The following WDR7 variants were observed in gnomAD, a reference collection of about 807,000 sequenced individuals.
The protein encoded by WDR7 is WD repeat-containing protein 7.
WDR7 carries 46 observed loss-of-function variants against 169.4 expected under a neutral mutation model. That is an observed-to-expected ratio of 0.27 (90% CI 0.21 to 0.35). WDR7 has a LOEUF of 0.35. Ranked by LOEUF, WDR7 falls within the 10% of genes least tolerant of loss-of-function variation. The pLI is 1.00. For missense variants in WDR7, 1,534 were observed against 1,859.3 expected (o/e 0.83, Z 3.22); for synonymous variants, 612 against 666.8 (o/e 0.92, Z 1.27).
intron 23 of WDR7, among the ~76,000 whole-genome samples, chr18:56,936,621 A>G (rs999792521): frequency 1.3e-5 from 2 of 152,150 alleles, no homozygotes; most frequent in Non-Finnish European, 2.9e-5. Flanking sequence ...AAAGTAATAA[A>G]TTACCTCTGA....
In WDR7 at chr18:57,020,794, A is replaced by T. The variant is rs1429829963; in HGVS notation, c.4214A>T (p.Asp1405Val). 6.2e-7 allele frequency: 1 copy of T among 1,614,196 alleles called. No individual in the cohort carries two copies. The highest frequency in any genetic ancestry group is 8.5e-7 in the Non-Finnish European group (1 of 1,180,024). The part of the protein sequence containing the change: ...GPITAVAFAP[D>V]GRYLATYSNT... ...ATCACTGCAGTGGCTTTTGCTCCTGATGGAAGATATCTTGCCACCTACTCA... is the reference window on the plus strand; with the variant it reads ...ATCACTGCAGTGGCTTTTGCTCCTGTTGGAAGATATCTTGCCACCTACTCA... Residue 1405 changes from aspartate (D) to valine (V), a missense_variant, in exon 27 of 28, where the codon GAT becomes GTT. Coordinates refer to ENST00000254442, the MANE Select transcript of WDR7 (RefSeq NM_015285.3).
chr18:56,970,249 C>G, intron 26 of WDR7, among the ~76,000 whole-genome samples: 1 of 137,972 alleles, frequency 7.2e-6, no homozygotes, highest in South Asian at 2.2e-4. Flanking sequence ...TTTTTTTTTG[C>G]TGTTTTTTTT....
chr18:56,792,608 CTTTG>C (rs1162977671), intron 19 of WDR7, among the ~76,000 whole-genome samples: 5 of 104,876 alleles, frequency 4.8e-5, no homozygotes, highest in African/African-American at 1.6e-4. Context: ...GCTTTTAAAT[CTTTG>C]TTTTTTTTTT....
intron 26 of WDR7, among the ~76,000 whole-genome samples, chr18:56,982,508 C>T (rs1232337389): frequency 6.6e-6 from 1 of 152,120 alleles, no homozygotes; most frequent in East Asian, 1.9e-4. Context: ...GGCTCATGAG[C>T]TTGAGCTATT....
At chr18:56,974,344 C>T (rs2047534296) in intron 26 of WDR7, among the ~76,000 whole-genome samples, 2 of 147,430 alleles carry the variant, frequency 1.4e-5, no homozygotes, top group African/African-American at 2.5e-5. Flanking sequence ...TTTCCTTTTC[C>T]TTTCTTTGCT....
At chr18:56,993,079 T>C (rs1305340906) in intron 26 of WDR7, among the ~76,000 whole-genome samples, 2 of 152,210 alleles carry the variant, frequency 1.3e-5, no homozygotes, top group Non-Finnish European at 2.9e-5. Flanking sequence ...ATTATATCTG[T>C]TTTTACATAT....
chr18:57,025,738 G>A (rs1480179150), intron 27 of WDR7, among the ~76,000 whole-genome samples: 1 of 152,166 alleles, frequency 6.6e-6, no homozygotes, highest in African/African-American at 2.4e-5. Context: ...CTCTGCTAGA[G>A]ATGCCATGAT....
rs570403385 is a variant in WDR7, at chr18:56,699,833, A to G, written c.1578+3371A>G. The G allele has an allele frequency of 2.1e-5, 21 of 985,452 alleles. No individual in the cohort carries two copies. In the South Asian group the frequency reaches 8.9e-4, roughly 42 times the overall value. 61.0% of individuals were successfully genotyped at this position (985,452 alleles called of 1,614,324 possible). ...AGTGAAAAACTGTCTGCTAGGTAGA[A>G]CAGATGCTGCAGCTGGAAGTTGGAG... On this transcript the variant is annotated intron_variant, in intron 12 of 27. Transcript: ENST00000254442.
At position 56,711,696 on chromosome 18, in the gene WDR7, C is replaced by T. The variant is rs1598981986; in HGVS notation, c.1579-6268C>T. ...AAACATGTATTAAATAAACAGTCCT[C>T]TACTTTTTTTTTTAAATGAAGTTTG... On this transcript the variant is annotated intron_variant, in intron 12 of 27. Transcript: ENST00000254442. Among the ~76,000 whole-genome samples the T allele has an allele frequency of 2.0e-5, 3 of 151,490 alleles. No homozygotes were observed. The South Asian group carries it at 6.2e-4, about 31-fold the overall frequency.
chr18:56,809,157 T>C (rs1455105128), intron 19 of WDR7, among the ~76,000 whole-genome samples: 4 of 152,126 alleles, frequency 2.6e-5, no homozygotes, highest in Non-Finnish European at 1.5e-5. Context: ...TGTACATTGG[T>C]TTTTTATTTT....
chr18:56,930,675 G>T (rs1335297510), intron 22 of WDR7, among the ~76,000 whole-genome samples: 1 of 152,144 alleles, frequency 6.6e-6, no homozygotes, highest in Non-Finnish European at 1.5e-5. Flanking sequence ...AGCCAGGAAG[G>T]AATAAAATGG....
intron 19 of WDR7, among the ~76,000 whole-genome samples, chr18:56,814,360 G>C (rs10469127): frequency 0.16 from 24,322 of 151,984 alleles, 2,864 homozygotes; most frequent in African/African-American, 0.34. Context: ...TGGAGACTCA[G>C]ATATTTCAAA....
intron 1 of WDR7, among the ~76,000 whole-genome samples, chr18:56,656,527 G>A (rs775956297): frequency 8.6e-5 from 13 of 151,250 alleles, no homozygotes; most frequent in Non-Finnish European, 1.5e-4. Flanking sequence ...CAATCTGCCC[G>A]CCTCAGCCTC....
chr18:56,746,691 C>T (rs1398782275), intron 14 of WDR7, among the ~76,000 whole-genome samples: 1 of 152,156 alleles, frequency 6.6e-6, no homozygotes, highest in Non-Finnish European at 1.5e-5. Flanking sequence ...TATTGCTATC[C>T]TAGTACTTAT....
rs79275869 is a variant in WDR7 at position 57,011,184 on chromosome 18, A to G, written c.4165-9561A>G. Among the ~76,000 whole-genome samples the G allele has an allele frequency of 8.3e-3, 1,257 of 152,344 alleles. 16 individuals are homozygous for G. The highest frequency in any genetic ancestry group is 0.029 in the African/African-American group (1,196 of 41,586). ...TGTATGTGTATATGTGCATATGCAC[A>G]TGCATGTTAATATATAACCCCCCCA... On this transcript the variant is annotated intron_variant, in intron 26 of 27. Coordinates refer to ENST00000254442, the MANE Select transcript of WDR7 (RefSeq NM_015285.3).
chr18:56,909,885 C>T (rs1409967473), intron 21 of WDR7, among the ~76,000 whole-genome samples: 1 of 152,086 alleles, frequency 6.6e-6, no homozygotes, highest in Non-Finnish European at 1.5e-5. Flanking sequence ...AATATTAAAA[C>T]CATACACTAG....
At chr18:56,839,613 G>A (rs2045449868) in intron 20 of WDR7, among the ~76,000 whole-genome samples, 1 of 152,090 alleles carries the variant, frequency 6.6e-6, no homozygotes, top group Non-Finnish European at 1.5e-5. Flanking sequence ...AAAATCTCAT[G>A]GGAGAAAAAA....
At chr18:56,687,092 T>G in intron 7 of WDR7, 118 bp downstream of exon 7, 1 of 983,856 alleles carries the variant, frequency 1.0e-6, no homozygotes, top group Non-Finnish European at 1.4e-6. Flanking sequence ...CATTTAGAAT[T>G]CATGTCTGCT....
At chr18:56,976,531 G>A (rs1024120555) in intron 26 of WDR7, among the ~76,000 whole-genome samples, 1 of 152,150 alleles carries the variant, frequency 6.6e-6, no homozygotes, top group Non-Finnish European at 1.5e-5. Context: ...AGTATGGTGA[G>A]CAACTCAGTG....
Sources: gnomAD v4.1 joint callset for allele counts (sites outside exome capture counted in the v4.1 genomes callset) on GRCh38, gnomAD v4.1.1 for gene constraint, MANE v1.5 for transcripts, NCBI Gene and HGNC (gene_info 2026-07-23, HGNC 2026-07-21) for gene names.